The following OC90 variants were observed in gnomAD, a reference collection of about 807,000 sequenced individuals.
OC90 encodes otoconin 90.
OC90 carries 46 observed loss-of-function variants against 47.3 expected under a neutral mutation model. The observed-to-expected ratio is 0.97, with a 90% CI of 0.77 to 1.24. OC90 has a LOEUF of 1.24. Among genes scored for constraint, OC90 ranks in the 50% most tolerant of loss-of-function variants. The probability of loss-of-function intolerance (pLI) is 0.00; values close to 1 mark genes in which losing one functional copy is unlikely to be tolerated. For missense variants in OC90, 688 were observed against 583.9 expected (o/e 1.18, Z -1.84); for synonymous variants, 271 against 219.5 (o/e 1.23, Z -2.07).
Position 132,041,031 on chromosome 8 carries a change from T to G in OC90, c.457+13A>C, listed in dbSNP as rs1249250831. ...TCTGGGCCCAGGCCCCTGGGACACC[T>G]GGAGATGCTTACCACATATGATCTT... is the stretch of plus-strand genomic sequence containing the variant. On this transcript the variant is annotated intron_variant, in intron 6 of 13. Coordinates refer to ENST00000254627, the MANE Select transcript of OC90 (RefSeq NM_001080399.3). 1.2e-5 allele frequency: 18 copies of G among 1,499,660 alleles called. No homozygotes were observed. The highest frequency in any genetic ancestry group is 2.3e-5 in the East Asian group (1 of 44,344). The allele number at this position is 1,499,660 out of a possible 1,614,324, so 92.9% of individuals were successfully genotyped here.
chr8:132,041,525 C>T lies in OC90; in HGVS notation c.344G>A (p.Ser115Asn). 1 of 1,609,524 alleles carries T rather than the reference C, an allele frequency of 6.2e-7. No individual in the cohort carries two copies. The highest frequency in any genetic ancestry group is 2.2e-5 in the East Asian group (1 of 44,816). Residue 115 changes from serine to asparagine, a missense_variant and splice_region_variant, in exon 5 of 14, where the codon AGC becomes AAC. Coordinates refer to ENST00000254627, the MANE Select transcript of OC90 (RefSeq NM_001080399.3). ...MEGLPVDESD[S>N]CCFQHRRCYE... Reference sequence around the variant, plus strand: ...TTGCTCACCTGTGGAACTCACTTACCTGTCAGATTCATCCACAGGCAACCC... The same window carrying T: ...TTGCTCACCTGTGGAACTCACTTACTTGTCAGATTCATCCACAGGCAACCC...
At chr8:132,052,249 T>G (rs7816194) in intron 2 of OC90, among the ~76,000 whole-genome samples, 53,793 of 152,010 alleles carry the variant, frequency 0.35, 10,053 homozygotes, top group African/African-American at 0.45. Flanking sequence ...GGCAGGGAGG[T>G]AGACTTGTGA....
At chr8:132,045,162 T>A (rs934367255) in intron 3 of OC90, among the ~76,000 whole-genome samples, 1 of 152,258 alleles carries the variant, frequency 6.6e-6, no homozygotes, top group Non-Finnish European at 1.5e-5. Context: ...CTAGAAGTTA[T>A]GCCATTTGGA....
rs758114176 is a variant in OC90 at position 132,041,066 on chromosome 8, A to T, written c.435T>A (p.Cys145Ter). Residue 145 changes from cysteine to a stop codon, truncating the protein, a stop_gained, in exon 6 of 14, where the codon TGT (cysteine) becomes TGA (stop). Transcript: ENST00000254627. LOFTEE classifies it high-confidence loss of function. ...DPAKLSTEVN[C>*]VSKKIICESK... ...TACCACATATGATCTTCTTGCTGACACAATTGACCTCTGTGCTAAGTTTGG... is the reference window on the plus strand; with the variant it reads ...TACCACATATGATCTTCTTGCTGACTCAATTGACCTCTGTGCTAAGTTTGG... 1 of 1,608,982 alleles carries T rather than the reference A, an allele frequency of 6.2e-7. No individual in the cohort carries two copies. Among genetic ancestry groups the T allele is most frequent in the Non-Finnish European group, 8.5e-7 (1 of 1,175,418 alleles).
intron 11 of OC90, 23 bp from the exon 12 acceptor site, chr8:132,032,075 G>A: frequency 6.2e-7 from 1 of 1,609,680 alleles, no homozygotes; most frequent in South Asian, 1.1e-5. Flanking sequence ...GGAATTGTCA[G>A]GAGAGCAAGG....
At chr8:132,055,105 G>C (rs1288367253) in intron 1 of OC90, 32 bp from the exon 2 acceptor site, 1 of 1,208,300 alleles carries the variant, frequency 8.3e-7, no homozygotes, top group East Asian at 2.6e-5. Context: ...TAGGATGGAA[G>C]CATTTTCAGA....
At chr8:132,057,308 T>C (rs1586718406) in intron 1 of OC90, among the ~76,000 whole-genome samples, 2 of 152,290 alleles carry the variant, frequency 1.3e-5, no homozygotes, top group Middle Eastern at 6.8e-3. Flanking sequence ...TCTCTGTTTT[T>C]CTTTTGTGAC....
At chr8:132,045,969 C>A (rs1008319839) in intron 2 of OC90, 86 bp from the exon 3 acceptor site, 17 of 746,396 alleles carry the variant, frequency 2.3e-5, no homozygotes, top group Non-Finnish European at 3.8e-5. Flanking sequence ...GACAGCCAGA[C>A]AAACAATGGG....
At chr8:132,043,187 T>G (rs7002744) in intron 4 of OC90, among the ~76,000 whole-genome samples, 1 of 151,990 alleles carries the variant, frequency 6.6e-6, no homozygotes, top group Non-Finnish European at 1.5e-5. Flanking sequence ...TTGAGCATCC[T>G]TTAGGTGTCA....
chr8:132,053,236 C>A (rs1298568752), intron 2 of OC90, among the ~76,000 whole-genome samples: 1 of 152,174 alleles, frequency 6.6e-6, no homozygotes, highest in African/African-American at 2.4e-5. Context: ...TCTCTCATTG[C>A]ACCTGTCACC....
chr8:132,052,210 G>A (rs1479375853), intron 2 of OC90, among the ~76,000 whole-genome samples: 1 of 152,188 alleles, frequency 6.6e-6, no homozygotes, highest in Non-Finnish European at 1.5e-5. Flanking sequence ...GCTTTGAGGG[G>A]ACTGTGACCT....
chr8:132,028,936 A>C (rs1822829216), intron 13 of OC90, 137 bp downstream of exon 13: 1 of 598,878 alleles, frequency 1.7e-6, no homozygotes, highest in South Asian at 2.1e-5. Context: ...AAGGGAAGGA[A>C]GGAAGGAAAA....
At chr8:132,033,222 A>G in intron 10 of OC90, 58 bp from the exon 11 acceptor site, 1 of 1,557,940 alleles carries the variant, frequency 6.4e-7, no homozygotes, top group Non-Finnish European at 8.7e-7. Context: ...AGAGATTTGC[A>G]GATGGACATA....
intron 1 of OC90, among the ~76,000 whole-genome samples, chr8:132,056,308 G>A (rs560891493): frequency 1.3e-5 from 2 of 152,176 alleles, no homozygotes; most frequent in Non-Finnish European, 2.9e-5. Flanking sequence ...GGGCCGTGAC[G>A]GGTCATTCTG....
Position 132,032,056 on chromosome 8 carries a change from A to G in OC90, c.860-4T>C. 1.9e-6 allele frequency: 3 copies of G among 1,613,284 alleles called. No individual in the cohort carries two copies. The highest frequency in any genetic ancestry group is 1.7e-6 in the Non-Finnish European group (2 of 1,179,468). On this transcript the variant is annotated splice_region_variant and splice_polypyrimidine_tract_variant and intron_variant, in intron 11 of 13. Transcript: ENST00000254627. ...AGGAAGGTGAATCTGTCACAGGCTG[A>G]AAGGAACAGGAATTGTCAGGAGAGC...
chr8:132,050,805 A>T (rs565157125), intron 2 of OC90, among the ~76,000 whole-genome samples: 3 of 152,254 alleles, frequency 2.0e-5, no homozygotes, highest in African/African-American at 7.2e-5. Context: ...GTTCAAGACC[A>T]GCCTGACCAA....
chr8:132,048,393 A>G (rs1448267945), intron 2 of OC90, among the ~76,000 whole-genome samples: 1,581 of 150,074 alleles, frequency 0.011, 70 homozygotes, highest in African/African-American at 0.038. Flanking sequence ...GAAGGAACTG[A>G]GAGCAATTTG....
intron 2 of OC90, among the ~76,000 whole-genome samples, chr8:132,046,460 G>T (rs77094593): frequency 5.3e-5 from 8 of 151,922 alleles, no homozygotes; most frequent in African/African-American, 1.9e-4. Flanking sequence ...TCGAAACCTC[G>T]CCTTGAGAAA....
intron 4 of OC90, among the ~76,000 whole-genome samples, chr8:132,043,243 G>A (rs375974736): frequency 8.5e-5 from 13 of 152,214 alleles, no homozygotes; most frequent in South Asian, 2.1e-4. Context: ...TCAGCCTGGC[G>A]GAGTGTGTAA....
Sources: allele counts gnomAD v4.1 joint callset (sites outside exome capture counted in the v4.1 genomes callset), GRCh38; gene constraint gnomAD v4.1.1; transcripts MANE v1.5; gene names NCBI Gene and HGNC (gene_info 2026-07-23, HGNC 2026-07-21).